The following FRMD5 variants were observed in gnomAD, a reference collection of about 807,000 sequenced individuals.
The protein encoded by FRMD5 is FERM domain-containing protein 5.
In FRMD5, 20 loss-of-function variants were observed where a neutral mutation model predicts 69.0. The observed-to-expected ratio is 0.29, with a 90% CI of 0.20 to 0.42. FRMD5 has a LOEUF of 0.42. Ranked by LOEUF, FRMD5 falls within the 10% of genes least tolerant of loss-of-function variation. The probability of loss-of-function intolerance (pLI) is 1.00; values close to 1 mark genes in which losing one functional copy is unlikely to be tolerated. For missense variants in FRMD5, 595 were observed against 708.6 expected (o/e 0.84, Z 1.82); for synonymous variants, 271 against 260.1 (o/e 1.04, Z -0.40).
chr15:43,985,229 C>T (rs754619592), intron 1 of FRMD5, among the ~76,000 whole-genome samples: 3 of 136,458 alleles, frequency 2.2e-5, no homozygotes, highest in Admixed American at 8.9e-5. Context: ...TGCAGTGAGC[C>T]GAGATCGGAC....
intron 1 of FRMD5, among the ~76,000 whole-genome samples, chr15:44,048,339 T>C (rs1892516577): frequency 6.6e-6 from 1 of 152,218 alleles, no homozygotes; most frequent in Admixed American, 6.5e-5. Context: ...TTTCATGTGC[T>C]TATTGGCCAT....
At chr15:43,905,755 A>C in intron 6 of FRMD5, 73 bp downstream of exon 6, 1 of 1,583,290 alleles carries the variant, frequency 6.3e-7, no homozygotes, top group Non-Finnish European at 8.6e-7. Context: ...AGAACAGAGG[A>C]CACGGCGTGG....
intron 1 of FRMD5, among the ~76,000 whole-genome samples, chr15:43,931,775 G>C (rs865899021): frequency 1.3e-5 from 2 of 152,142 alleles, no homozygotes; most frequent in East Asian, 1.9e-4. Context: ...ATATGTGATG[G>C]ATCCTGAGGT....
intron 1 of FRMD5, among the ~76,000 whole-genome samples, chr15:44,104,416 A>G (rs1321065945): frequency 6.6e-6 from 1 of 152,200 alleles, no homozygotes; most frequent in Non-Finnish European, 1.5e-5. Flanking sequence ...TATTAAATCC[A>G]TAGTAGTGTA....
chr15:43,967,755 A>AT (rs977175886), intron 1 of FRMD5, among the ~76,000 whole-genome samples: 4 of 151,398 alleles, frequency 2.6e-5, no homozygotes, highest in South Asian at 2.1e-4. Flanking sequence ...ATATCTTTAA[A>AT]TTTTTTTTTA....
intron 1 of FRMD5, among the ~76,000 whole-genome samples, chr15:43,955,964 G>A (rs995229785): frequency 2.0e-5 from 3 of 152,086 alleles, no homozygotes; most frequent in Non-Finnish European, 4.4e-5. Context: ...TAAGTAACTA[G>A]TACATGCAAA....
intron 1 of FRMD5, among the ~76,000 whole-genome samples, chr15:44,000,030 T>C (rs1175730990): frequency 2.8e-5 from 2 of 70,746 alleles, no homozygotes; most frequent in South Asian, 6.3e-4. Context: ...GGAGACAGCA[T>C]TTCACTCTGC....
intron 1 of FRMD5, among the ~76,000 whole-genome samples, chr15:44,038,660 A>G (rs1283725689): frequency 6.6e-6 from 1 of 151,800 alleles, no homozygotes; most frequent in Admixed American, 6.6e-5. Flanking sequence ...TACCCAGTTC[A>G]TCTCATTGGG....
At chr15:44,152,703 A>G (rs1335548778) in intron 1 of FRMD5, among the ~76,000 whole-genome samples, 2 of 152,178 alleles carry the variant, frequency 1.3e-5, no homozygotes, top group Non-Finnish European at 2.9e-5. Context: ...CACTTCCCTG[A>G]TGAACAATAA....
intron 1 of FRMD5, among the ~76,000 whole-genome samples, chr15:44,156,803 TCTA>T (rs1446750628): frequency 6.6e-6 from 1 of 152,162 alleles, no homozygotes; most frequent in Non-Finnish European, 1.5e-5. Flanking sequence ...AATTGTCTCT[TCTA>T]CTCTAGTACC....
At chr15:43,903,923 C>G (rs2089107617) in intron 6 of FRMD5, among the ~76,000 whole-genome samples, 1 of 152,234 alleles carries the variant, frequency 6.6e-6, no homozygotes, top group African/African-American at 2.4e-5. Context: ...CCCCTGCCCC[C>G]AACACCACAG....
chr15:44,102,041 G>A (rs2076648718), intron 1 of FRMD5, among the ~76,000 whole-genome samples: 1 of 152,168 alleles, frequency 6.6e-6, no homozygotes, highest in Non-Finnish European at 1.5e-5. Context: ...CACACTCAAT[G>A]GCAGAAGCAG....
At chr15:44,181,125 C>T (rs973704300) in intron 1 of FRMD5, among the ~76,000 whole-genome samples, 2 of 152,110 alleles carry the variant, frequency 1.3e-5, no homozygotes, top group African/African-American at 4.8e-5. Flanking sequence ...CTGCAGCCTC[C>T]AACTCTGGGG....
chr15:44,046,054 A>T (rs186906135), intron 1 of FRMD5, among the ~76,000 whole-genome samples: 1 of 152,256 alleles, frequency 6.6e-6, no homozygotes, highest in East Asian at 1.9e-4. Context: ...CTCTGCAGTC[A>T]TCTCCTTGAT....
At chr15:44,141,774 A>G (rs534979884) in intron 1 of FRMD5, among the ~76,000 whole-genome samples, 3 of 152,244 alleles carry the variant, frequency 2.0e-5, no homozygotes, top group South Asian at 2.1e-4. Flanking sequence ...CTGTTATTAG[A>G]CTTCTGGTGA....
chr15:44,119,646 T>C (rs1037374266), intron 1 of FRMD5, among the ~76,000 whole-genome samples: 5 of 152,114 alleles, frequency 3.3e-5, no homozygotes, highest in Non-Finnish European at 5.9e-5. Context: ...AGGCAGTTTA[T>C]GCATTAGCAA....
intron 1 of FRMD5, among the ~76,000 whole-genome samples, chr15:44,144,337 A>T (rs1595518011): frequency 6.6e-6 from 1 of 152,328 alleles, no homozygotes; most frequent in Non-Finnish European, 1.5e-5. Flanking sequence ...CCAATTCTGT[A>T]TCAGCTTGTG....
intron 1 of FRMD5, among the ~76,000 whole-genome samples, chr15:43,965,890 T>C (rs1301885143): frequency 6.6e-6 from 1 of 151,930 alleles, no homozygotes; most frequent in Non-Finnish European, 1.5e-5. Context: ...TAAAAAGTCA[T>C]TTTTTAAGAT....
In FRMD5 at chr15:43,919,800, C is replaced by T; in HGVS notation, c.217G>A (p.Glu73Lys). 6.2e-7 allele frequency: 1 copy of T among 1,613,886 alleles called. No homozygotes were observed. ...TGTTTCACCACAGACTTTGTAAATT[C>T]CAGCCAATGCTGAAACAGAGAACAC... is the stretch of plus-strand genomic sequence containing the variant. ...VDPDKQRHWL[E>K]FTKSVVKQLR... Residue 73 changes from glutamate (E) to lysine (K), a missense_variant, in exon 3 of 14, where the codon GAA becomes AAA. This residue lies in a region of FRMD5 where 79 missense variants were observed against 139.9 expected (regional missense o/e 0.56). Transcript: ENST00000417257.
Sources: allele counts gnomAD v4.1 joint callset (sites outside exome capture counted in the v4.1 genomes callset), GRCh38; gene constraint gnomAD v4.1.1; regional missense constraint gnomAD v4.1.1; transcripts MANE v1.5; gene names NCBI Gene and HGNC (gene_info 2026-07-23, HGNC 2026-07-21).